ADAMTS18: variants seen among roughly 807,000 people sequenced by gnomAD.
ADAMTS18 encodes A disintegrin and metalloproteinase with thrombospondin motifs 18.
Under a neutral mutation model 165.9 loss-of-function variants are expected in ADAMTS18, and 157 were observed. That is an observed-to-expected ratio of 0.95 (90% confidence interval 0.83 to 1.08). ADAMTS18 has a LOEUF of 1.08. ADAMTS18 is among the 50% of genes least tolerant of loss of function. ADAMTS18 has a pLI of 0.00. For missense variants in ADAMTS18, 2,040 were observed against 1,534.0 expected, an observed-to-expected ratio of 1.33 and a Z score of -5.51; for synonymous variants, 782 against 578.2, an observed-to-expected ratio of 1.35 and a Z score of -5.06.
chr16:77,363,635 T>C (rs1597173720), intron 6 of ADAMTS18, among the ~76,000 whole-genome samples, 167 bp downstream of exon 6: 1 of 151,530 alleles, frequency 6.6e-6, no homozygotes, highest in Non-Finnish European at 1.5e-5. Flanking sequence ...TTTAGTTTAA[T>C]TGTGTGATTA....
At chr16:77,306,989 G>C (rs1162747517) in intron 16 of ADAMTS18, among the ~76,000 whole-genome samples, 1 of 152,166 alleles carries the variant, frequency 6.6e-6, no homozygotes, top group East Asian at 1.9e-4. Flanking sequence ...TTAACTGCTG[G>C]AAAGACAACA....
chr16:77,283,954 G>C lies in ADAMTS18; in HGVS notation c.*2C>G, dbSNP rs112861388. 2.0e-5 allele frequency: 32 copies of C among 1,612,154 alleles called. 1 individual carries two copies. Among genetic ancestry groups the C allele is most frequent in the African/African-American group, 1.6e-4 (12 of 74,956 alleles). Reference sequence around the variant, plus strand: ...CCTAAGGTGCTGGGGAGGACACCAAGATCAGATCTTCCTTGTGCATGACTT... The same window carrying C: ...CCTAAGGTGCTGGGGAGGACACCAACATCAGATCTTCCTTGTGCATGACTT... On this transcript the variant is annotated 3_prime_UTR_variant, in exon 23 of 23. Coordinates refer to ENST00000282849, the MANE Select transcript of ADAMTS18 (RefSeq NM_199355.4).
chr16:77,311,577 G>A (rs2055781177), intron 16 of ADAMTS18, among the ~76,000 whole-genome samples: 1 of 152,038 alleles, frequency 6.6e-6, no homozygotes, highest in African/African-American at 2.4e-5. Context: ...ACAAGCATGT[G>A]CTAAAAACTG....
intron 3 of ADAMTS18, among the ~76,000 whole-genome samples, chr16:77,415,458 G>A (rs72801674): frequency 6.6e-6 from 1 of 152,006 alleles, no homozygotes; most frequent in Non-Finnish European, 1.5e-5. Context: ...GGGCAAGATG[G>A]TTGCCAGCAA....
chr16:77,346,418 T>G (rs1478590732), intron 10 of ADAMTS18, among the ~76,000 whole-genome samples: 1 of 152,156 alleles, frequency 6.6e-6, no homozygotes. Flanking sequence ...TATTTTAAAA[T>G]AGTCTTCATT....
chr16:77,284,904 A>G (rs1178332451), intron 22 of ADAMTS18, among the ~76,000 whole-genome samples: 1 of 151,908 alleles, frequency 6.6e-6, no homozygotes, highest in Non-Finnish European at 1.5e-5. Flanking sequence ...AAGCCACCTT[A>G]TTTGCCTGCA....
intron 16 of ADAMTS18, among the ~76,000 whole-genome samples, chr16:77,314,384 G>C (rs566082495): frequency 3.5e-4 from 53 of 152,056 alleles, no homozygotes; most frequent in African/African-American, 1.3e-3. Context: ...GAGGCGGGTG[G>C]ATTACTTGAG....
At chr16:77,311,136 C>A (rs1290815774) in intron 16 of ADAMTS18, among the ~76,000 whole-genome samples, 1 of 152,208 alleles carries the variant, frequency 6.6e-6, no homozygotes, top group Non-Finnish European at 1.5e-5. Context: ...ACAGTGGCAT[C>A]CTCACGTGTT....
chr16:77,362,565 A>G (rs373079646), intron 6 of ADAMTS18, among the ~76,000 whole-genome samples: 3 of 152,220 alleles, frequency 2.0e-5, no homozygotes, highest in South Asian at 2.1e-4. Context: ...AACCGTTACA[A>G]CTTTTAAAAC....
At chr16:77,418,730 G>C (rs1158135510) in intron 3 of ADAMTS18, among the ~76,000 whole-genome samples, 10 of 152,186 alleles carry the variant, frequency 6.6e-5, no homozygotes, top group Non-Finnish European at 1.5e-5. Context: ...GATAATTTAA[G>C]ATGGCCATGA....
chr16:77,396,065 A>T (rs1004453058), intron 3 of ADAMTS18, among the ~76,000 whole-genome samples: 1 of 152,212 alleles, frequency 6.6e-6, no homozygotes, highest in Non-Finnish European at 1.5e-5. Flanking sequence ...GCCTCAAAAG[A>T]AGTTTAGCAA....
intron 16 of ADAMTS18, among the ~76,000 whole-genome samples, chr16:77,309,281 C>T (rs1175920350): frequency 2.0e-5 from 3 of 151,908 alleles, no homozygotes; most frequent in Non-Finnish European, 4.4e-5. Flanking sequence ...TCCTTTTCTC[C>T]AAGTCACTTA....
intron 3 of ADAMTS18, among the ~76,000 whole-genome samples, chr16:77,371,218 TAAAAACAAAAACAAAAAC>T (rs139311207): frequency 3.3e-5 from 5 of 149,694 alleles, no homozygotes; most frequent in Admixed American, 6.7e-5. Context: ...CTGACTCAAT[TAAAAACAAAAACAAAAAC>T]AAAAACAAAA....
chr16:77,350,907 T>C (rs969024971), intron 10 of ADAMTS18, among the ~76,000 whole-genome samples: 1 of 151,892 alleles, frequency 6.6e-6, no homozygotes, highest in Non-Finnish European at 1.5e-5. Context: ...CCTTTCACTA[T>C]GCAATGCTTT....
Position 77,284,069 on chromosome 16 carries a change from C to T in ADAMTS18, c.3553G>A (p.Asp1185Asn). ...TTGAAGAAATCTACGCAGGATGGAT[C>T]CTCTAAAATAAGAAAATATATTTAG... The part of the protein sequence containing the change: ...NFCPAPEKRE[D>N]PSCVDFFNWC... Residue 1185 changes from aspartate to asparagine, a missense_variant and splice_region_variant, in exon 23 of 23, where the codon GAT (aspartate) becomes AAT (asparagine). Physicochemically the swap from Asp to Asn is conservative, Grantham distance 23. Transcript: ENST00000282849. 1 of 1,605,160 alleles carries T rather than the reference C, an allele frequency of 6.2e-7. No individual in the cohort carries two copies. Among genetic ancestry groups the T allele is most frequent in the East Asian group, 2.2e-5 (1 of 44,804 alleles).
At chr16:77,380,834 C>T (rs916422347) in intron 3 of ADAMTS18, among the ~76,000 whole-genome samples, 1 of 152,062 alleles carries the variant, frequency 6.6e-6, no homozygotes, top group African/African-American at 2.4e-5. Flanking sequence ...TCAACTGACT[C>T]TCACTGCAGC....
At chr16:77,349,608 A>G (rs1050024162) in intron 10 of ADAMTS18, among the ~76,000 whole-genome samples, 1 of 151,424 alleles carries the variant, frequency 6.6e-6, no homozygotes, top group African/African-American at 2.4e-5. Flanking sequence ...CTGCTCTTAC[A>G]TGAAAATCGT....
At chr16:77,359,233 C>T (rs2056674925) in intron 8 of ADAMTS18, 85 bp downstream of exon 8, 1 of 1,195,954 alleles carries the variant, frequency 8.4e-7, no homozygotes. Context: ...TTTGTTCTGC[C>T]TAAGTCAACA....
At chr16:77,349,097 T>C (rs1022147089) in intron 10 of ADAMTS18, among the ~76,000 whole-genome samples, 8 of 152,196 alleles carry the variant, frequency 5.3e-5, no homozygotes, top group Non-Finnish European at 1.2e-4. Context: ...TCAAATAGTA[T>C]GATTCCATGC....
Sources: allele counts gnomAD v4.1 joint callset (sites outside exome capture counted in the v4.1 genomes callset), GRCh38; gene constraint gnomAD v4.1.1; transcripts MANE v1.5; gene names NCBI Gene and HGNC (gene_info 2026-07-23, HGNC 2026-07-21).